The following SLMAP variants were observed in gnomAD, a reference collection of about 807,000 sequenced individuals.
The protein encoded by SLMAP is sarcolemma associated protein.
In SLMAP, 44 loss-of-function variants were observed where a neutral mutation model predicts 128.8. The ratio of observed to expected loss-of-function variants is 0.34; its 90% CI spans 0.27 to 0.44. SLMAP has a LOEUF of 0.44. Among genes scored for constraint, SLMAP ranks in the 20% least tolerant of loss-of-function variants. The pLI is 1.00. For missense variants in SLMAP, 787 were observed against 985.3 expected, an observed-to-expected ratio of 0.80 and a Z score of 2.69; for synonymous variants, 327 against 348.8, an observed-to-expected ratio of 0.94 and a Z score of 0.70.
intron 2 of SLMAP, among the ~76,000 whole-genome samples, chr3:57,809,034 A>G (rs1213343512): frequency 1.3e-5 from 2 of 151,876 alleles, no homozygotes; most frequent in African/African-American, 2.4e-5. Context: ...ATGACTATGG[A>G]CCCTGGCCTC....
chr3:57,760,340 C>A lies in SLMAP; in HGVS notation c.198+2491C>A, dbSNP rs545149925. 6.6e-5 allele frequency among the ~76,000 whole-genome samples: 10 copies of A among 152,280 alleles called. No homozygotes were observed. The South Asian group carries it at 1.7e-3, about 25-fold the overall frequency. On this transcript the variant is annotated intron_variant, in intron 2 of 24. Coordinates refer to ENST00000671191, the MANE Select transcript of SLMAP (RefSeq NM_001377540.1). ...TCCTGCTTTATTAGCTAAAATAACA[C>A]GCAGGCTATGAGACCACTACTTTAG...
Position 57,928,692 on chromosome 3 carries a change from A to G in SLMAP, c.*1403A>G, listed in dbSNP as rs947656330. 4.6e-5 allele frequency: 7 copies of G among 152,236 alleles called. No individual in the cohort carries two copies. Among genetic ancestry groups the G allele is most frequent in the African/African-American group, 1.7e-4 (7 of 41,470 alleles). 9.4% of individuals were successfully genotyped at this position (152,236 alleles called of 1,614,324 possible). A position where few individuals can be genotyped will look rare whatever the true frequency, so the allele number is the denominator to read the frequency against. ...TCAGTGAAGACCGGGAGGGAATGTC[A>G]GTGAATTGGCTTGAATGTTCTGTGG... On this transcript the variant is annotated 3_prime_UTR_variant, in exon 25 of 25. Transcript: ENST00000671191.
At chr3:57,848,634 C>T (rs941573799) in intron 5 of SLMAP, among the ~76,000 whole-genome samples, 2 of 146,234 alleles carry the variant, frequency 1.4e-5, no homozygotes, top group Non-Finnish European at 3.0e-5. Context: ...TCTTCTTCCT[C>T]TTCCTTTTCT....
At chr3:57,820,366 G>T (rs1169657676) in intron 2 of SLMAP, among the ~76,000 whole-genome samples, 2 of 152,018 alleles carry the variant, frequency 1.3e-5, no homozygotes, top group Non-Finnish European at 2.9e-5. Context: ...TTAAGTAGGA[G>T]CCTCAAAGAC....
rs116299781 is a variant in SLMAP at position 57,925,259 on chromosome 3, C to T, written c.2446-586C>T. Among the ~76,000 whole-genome samples the T allele has an allele frequency of 2.3e-3, 350 of 150,988 alleles. 2 individuals carry two copies. Among genetic ancestry groups the T allele is most frequent in the African/African-American group, 7.8e-3 (320 of 41,216 alleles). On this transcript the variant is annotated intron_variant, in intron 23 of 24. Transcript: ENST00000671191. ...CATGAGCCACTGCATTCGGCCTGCTCTGTCTTCATGTGCTATATTTCATTA... is the reference window on the plus strand; with the variant it reads ...CATGAGCCACTGCATTCGGCCTGCTTTGTCTTCATGTGCTATATTTCATTA...
At chr3:57,891,873 G>A (rs1427198735) in intron 15 of SLMAP, among the ~76,000 whole-genome samples, 6 of 152,114 alleles carry the variant, frequency 3.9e-5, no homozygotes, top group South Asian at 2.1e-4. Context: ...CACCATGTCC[G>A]GCCTGGGTTT....
intron 2 of SLMAP, among the ~76,000 whole-genome samples, chr3:57,824,135 T>C (rs2153535074): frequency 6.6e-6 from 1 of 152,252 alleles, no homozygotes; most frequent in African/African-American, 2.4e-5. Context: ...ATAAAAAATA[T>C]AATTCAGTAG....
rs145924069 is a variant in SLMAP, at chr3:57,841,360, G to A, written c.408G>A (p.Arg136=). 11 of 1,604,940 alleles carry A rather than the reference G, an allele frequency of 6.9e-6. No individual in the cohort carries two copies. The highest frequency in any genetic ancestry group is 8.5e-6 in the Non-Finnish European group (10 of 1,173,300). ...KLFLPDGMEA[R]LRSDVIHAPL... ...TTCTACCAGATGGTATGGAAGCCCG[G>A]CTCCGCTCAGAGTGAGTATAATTTA... Residue 136 remains arginine, a synonymous_variant, in exon 4 of 25, where the codon CGG becomes CGA. Coordinates refer to ENST00000671191, the MANE Select transcript of SLMAP (RefSeq NM_001377540.1).
chr3:57,844,205 C>A (rs1383134984), intron 4 of SLMAP, among the ~76,000 whole-genome samples: 3 of 151,982 alleles, frequency 2.0e-5, no homozygotes, highest in Non-Finnish European at 4.4e-5. Context: ...CTAGCCTGGG[C>A]AACAGGGCAA....
At chr3:57,795,854 A>G (rs1045919296) in intron 2 of SLMAP, among the ~76,000 whole-genome samples, 5 of 151,688 alleles carry the variant, frequency 3.3e-5, no homozygotes, top group African/African-American at 1.2e-4. Flanking sequence ...GCCTCTAGTA[A>G]CCTCTATTCT....
At chr3:57,922,645 T>A (rs184577428) in intron 22 of SLMAP, among the ~76,000 whole-genome samples, 119 of 152,298 alleles carry the variant, frequency 7.8e-4, no homozygotes, top group African/African-American at 2.9e-3. Flanking sequence ...GTCAGGCTAA[T>A]CTCGAACTCC....
Position 57,757,801 on chromosome 3 carries a change from G to A in SLMAP, c.150G>A (p.Val50=), listed in dbSNP as rs781119976. The change falls in exon 2 of 25, where the codon GTG becomes GTA. Residue 50 remains valine (V), a synonymous_variant. Coordinates refer to ENST00000671191, the MANE Select transcript of SLMAP (RefSeq NM_001377540.1). ...AQNNATFDCK[V]LSRNHALVWF... ...ATAATGCCACTTTTGATTGCAAAGT[G>A]CTATCAAGGAACCACGCTCTCGTCT... 3.1e-6 allele frequency: 5 copies of A among 1,614,204 alleles called. No homozygotes were observed. The highest frequency in any genetic ancestry group is 4.2e-6 in the Non-Finnish European group (5 of 1,180,042).
intron 22 of SLMAP, among the ~76,000 whole-genome samples, chr3:57,921,478 A>G (rs2096917022): frequency 1.3e-5 from 2 of 151,942 alleles, no homozygotes; most frequent in South Asian, 4.2e-4. Context: ...AGTACAAAAC[A>G]TACCAGATGT....
At chr3:57,846,035 T>G (rs989013429) in intron 4 of SLMAP, among the ~76,000 whole-genome samples, 1 of 152,172 alleles carries the variant, frequency 6.6e-6, no homozygotes, top group Non-Finnish European at 1.5e-5. Context: ...AGAGATGACG[T>G]TTCACTGTGT....
At position 57,896,952 on chromosome 3, in the gene SLMAP, T is replaced by A; in HGVS notation, c.1501+20T>A. On this transcript the variant is annotated intron_variant, in intron 17 of 24. Transcript: ENST00000671191. ...TAAAAGGTACTTTAACATGTTTTTA[T>A]GACATCGTAAACCAGGGTATCAAAT... The A allele has an allele frequency of 6.2e-7, 1 of 1,613,404 alleles. No individual in the cohort carries two copies. Among genetic ancestry groups the A allele is most frequent in the South Asian group, 1.1e-5 (1 of 90,820 alleles).
intron 21 of SLMAP, among the ~76,000 whole-genome samples, chr3:57,916,206 C>T (rs1002587184): frequency 6.6e-6 from 1 of 151,900 alleles, no homozygotes; most frequent in Admixed American, 6.6e-5. Context: ...GGAACAGCCT[C>T]AGAAGTTAAT....
At chr3:57,849,724 T>G (rs535436582) in intron 5 of SLMAP, 30 bp from the exon 6 acceptor site, 3 of 1,268,336 alleles carry the variant, frequency 2.4e-6, no homozygotes, top group Non-Finnish European at 3.5e-6. Context: ...ATGAAGTGTT[T>G]TCTGTTGATA....
At chr3:57,919,916 C>T (rs1019897846) in intron 22 of SLMAP, among the ~76,000 whole-genome samples, 2 of 152,178 alleles carry the variant, frequency 1.3e-5, no homozygotes, top group Admixed American at 6.5e-5. Context: ...CACCCCCTCA[C>T]GTACTGGAGG....
chr3:57,859,144 C>T (rs1263102454), intron 8 of SLMAP, among the ~76,000 whole-genome samples: 4 of 151,682 alleles, frequency 2.6e-5, no homozygotes, highest in Admixed American at 1.3e-4. Context: ...GCCAACATGG[C>T]GAAACCCCGT....
Sources: gnomAD v4.1 joint callset for allele counts (sites outside exome capture counted in the v4.1 genomes callset) on GRCh38, gnomAD v4.1.1 for gene constraint, MANE v1.5 for transcripts, NCBI Gene and HGNC (gene_info 2026-07-23, HGNC 2026-07-21) for gene names.